Variants in POU6F2 observed in about 807,000 individuals in gnomAD.
POU6F2 encodes the protein POU domain, class 6, transcription factor 2.
Under a neutral mutation model 71.3 loss-of-function variants are expected in POU6F2, and 31 were observed. The ratio of observed to expected loss-of-function variants is 0.43; its 90% CI spans 0.33 to 0.59. POU6F2 has a LOEUF of 0.59. POU6F2 is among the 20% of genes least tolerant of loss of function. The probability of loss-of-function intolerance (pLI) is 0.04; values close to 1 mark genes in which losing one functional copy is unlikely to be tolerated. For synonymous variants in POU6F2, 347 were observed against 355.7 expected (o/e 0.98, Z 0.27); for missense variants, 783 against 856.8 (o/e 0.91, Z 1.07).
chr7:39,402,035 T>C (rs1181287897), intron 5 of POU6F2, among the ~76,000 whole-genome samples: 2 of 152,348 alleles, frequency 1.3e-5, no homozygotes, highest in African/African-American at 4.8e-5. Flanking sequence ...AATAGAATCA[T>C]ATAATCAGCC....
chr7:39,238,151 A>G (rs1794707833), intron 4 of POU6F2, among the ~76,000 whole-genome samples: 1 of 152,174 alleles, frequency 6.6e-6, no homozygotes, highest in South Asian at 2.1e-4. Flanking sequence ...ACTGGATTCA[A>G]ATCACCAGTT....
chr7:38,981,315 A>G (rs937402788), intron 1 of POU6F2, among the ~76,000 whole-genome samples: 11 of 152,066 alleles, frequency 7.2e-5, no homozygotes, highest in Non-Finnish European at 1.5e-4. Flanking sequence ...AGATTAGTTC[A>G]TCAGTACTGC....
chr7:39,205,984 G>T (rs1794003789), intron 3 of POU6F2, among the ~76,000 whole-genome samples: 1 of 152,188 alleles, frequency 6.6e-6, no homozygotes, highest in South Asian at 2.1e-4. Flanking sequence ...GCCTTCCTGG[G>T]CTTGAACTTG....
At chr7:39,151,804 G>A (rs1447200521) in intron 2 of POU6F2, among the ~76,000 whole-genome samples, 2 of 152,162 alleles carry the variant, frequency 1.3e-5, no homozygotes, top group Non-Finnish European at 2.9e-5. Context: ...GGTAGAGGGA[G>A]GCTTTCAAAT....
intron 4 of POU6F2, among the ~76,000 whole-genome samples, chr7:39,232,886 G>A (rs1327154436): frequency 6.6e-6 from 1 of 152,116 alleles, no homozygotes; most frequent in Non-Finnish European, 1.5e-5. Flanking sequence ...ATGAAGTTTT[G>A]TGCTCTCTCA....
At chr7:39,370,214 C>G (rs959100278) in intron 5 of POU6F2, among the ~76,000 whole-genome samples, 1 of 152,158 alleles carries the variant, frequency 6.6e-6, no homozygotes, top group Non-Finnish European at 1.5e-5. Flanking sequence ...TGAGATTTCC[C>G]AGTGTAAATG....
chr7:38,978,443 C>T lies in POU6F2; in HGVS notation c.105+385C>T, dbSNP rs576777899. 2.6e-5 allele frequency among the ~76,000 whole-genome samples: 4 copies of T among 152,272 alleles called. No homozygotes were observed. The East Asian group carries it at 7.7e-4, about 29-fold the overall frequency. On this transcript the variant is annotated intron_variant, in intron 1 of 9. Coordinates refer to ENST00000518318, the MANE Select transcript of POU6F2 (RefSeq NM_001370959.1). ...GGTAGTAGTTAATATTTTTCTAATGCTGTTCAATATTTTTATTTTGACTGT... is the reference window on the plus strand; with the variant it reads ...GGTAGTAGTTAATATTTTTCTAATGTTGTTCAATATTTTTATTTTGACTGT...
intron 1 of POU6F2, among the ~76,000 whole-genome samples, chr7:39,072,933 G>C (rs1026736257): frequency 1.3e-5 from 2 of 152,200 alleles, no homozygotes; most frequent in Admixed American, 6.5e-5. Context: ...AACATGATCA[G>C]GGTGCTAAGA....
chr7:39,370,584 C>T (rs1786587189), intron 5 of POU6F2, among the ~76,000 whole-genome samples: 1 of 152,248 alleles, frequency 6.6e-6, no homozygotes, highest in Admixed American at 6.5e-5. Flanking sequence ...GGTACCACTG[C>T]TTTGGCCAAC....
intron 5 of POU6F2, chr7:39,373,748 C>G: frequency 3.1e-6 from 1 of 321,970 alleles, no homozygotes; most frequent in Non-Finnish European, 6.1e-6. Context: ...AATTTCTTCT[C>G]AGTATCCAAA....
At chr7:39,179,000 C>T (rs1793382265) in intron 2 of POU6F2, among the ~76,000 whole-genome samples, 1 of 151,968 alleles carries the variant, frequency 6.6e-6, no homozygotes. Context: ...TTTTTTTAAT[C>T]AGCTATAGGT....
chr7:39,152,179 A>T (rs1311547016), intron 2 of POU6F2, among the ~76,000 whole-genome samples: 3 of 152,118 alleles, frequency 2.0e-5, no homozygotes, highest in African/African-American at 7.2e-5. Context: ...TGAGATGCTC[A>T]GGGTCCTGTA....
chr7:39,123,251 ACTTG>A (rs1488976846), intron 2 of POU6F2, among the ~76,000 whole-genome samples: 1 of 152,230 alleles, frequency 6.6e-6, no homozygotes, highest in Non-Finnish European at 1.5e-5. Context: ...TGTAGTGTGC[ACTTG>A]CTCTGCCTTG....
chr7:39,199,957 T>C (rs1251893790), intron 2 of POU6F2, among the ~76,000 whole-genome samples: 1 of 152,230 alleles, frequency 6.6e-6, no homozygotes, highest in Non-Finnish European at 1.5e-5. Context: ...TTTTAAATTT[T>C]ATATTATGAT....
chr7:39,200,568 A>C (rs1194906680), intron 2 of POU6F2, among the ~76,000 whole-genome samples: 1 of 152,180 alleles, frequency 6.6e-6, no homozygotes, highest in Non-Finnish European at 1.5e-5. Flanking sequence ...CCAAGGACAG[A>C]GTTAGAGTCA....
intron 6 of POU6F2, among the ~76,000 whole-genome samples, chr7:39,431,932 C>G (rs2116024246): frequency 6.6e-6 from 1 of 152,334 alleles, no homozygotes; most frequent in African/African-American, 2.4e-5. Flanking sequence ...AACCGGAAAG[C>G]AGAGCTAGGT....
chr7:39,422,740 T>C (rs2190891), intron 6 of POU6F2, among the ~76,000 whole-genome samples: 51,209 of 152,026 alleles, frequency 0.34, 9,696 homozygotes, highest in East Asian at 0.54. Context: ...TCAATTTATG[T>C]CCTTAGAGAC....
At chr7:38,991,926 C>A (rs908457815) in intron 1 of POU6F2, among the ~76,000 whole-genome samples, 3 of 151,818 alleles carry the variant, frequency 2.0e-5, no homozygotes, top group Admixed American at 6.6e-5. Flanking sequence ...CTCTCCATAC[C>A]CCCTCCTTCC....
At chr7:39,400,864 C>T (rs1243712390) in intron 5 of POU6F2, among the ~76,000 whole-genome samples, 1 of 152,188 alleles carries the variant, frequency 6.6e-6, no homozygotes, top group East Asian at 1.9e-4. Context: ...GGACTATCTC[C>T]TTAGTTCAGC....
Sources: allele counts gnomAD v4.1 joint callset (sites outside exome capture counted in the v4.1 genomes callset), GRCh38; gene constraint gnomAD v4.1.1; transcripts MANE v1.5; gene names NCBI Gene and HGNC (gene_info 2026-07-23, HGNC 2026-07-21).